The following IL2 variants were observed in gnomAD, a reference collection of about 807,000 sequenced individuals.
IL2 encodes the protein interleukin 2.
IL2 carries 3 observed loss-of-function variants against 14.6 expected under a neutral mutation model. The ratio of observed to expected loss-of-function variants is 0.21; its 90% CI spans 0.09 to 0.53. The LOEUF is 0.53. IL2 is among the 20% of genes least tolerant of loss of function. IL2 has a pLI of 0.95. For synonymous variants in IL2, 71 were observed against 60.0 expected, an observed-to-expected ratio of 1.18 and a Z score of -0.85; for missense variants, 125 against 170.8, an observed-to-expected ratio of 0.73 and a Z score of 1.50.
In IL2 at chr4:122,451,577, T is replaced by A. The variant is rs1246184050; in HGVS notation, c.*175A>T. The A allele has an allele frequency of 2.9e-6, 1 of 346,698 alleles. No individual in the cohort carries two copies. The highest frequency in any genetic ancestry group is 5.3e-6 in the Non-Finnish European group (1 of 188,064). 21.5% of individuals were successfully genotyped at this position (346,698 alleles called of 1,614,324 possible). On this transcript the variant is annotated 3_prime_UTR_variant, in exon 4 of 4. Transcript: ENST00000226730. ...ATTTTGGGATAAATAAGTGAAACCA[T>A]TTTAGAGCCCCTAGGGCTTACAAAA...
Position 122,456,208 on chromosome 4 carries a change from G to A in IL2, c.148-5C>T. The A allele has an allele frequency of 6.2e-7, 1 of 1,608,178 alleles. No homozygotes were observed. Among genetic ancestry groups the A allele is most frequent in the Non-Finnish European group, 8.5e-7 (1 of 1,175,258 alleles). On this transcript the variant is annotated splice_polypyrimidine_tract_variant and splice_region_variant and intron_variant, in intron 1 of 3. Coordinates refer to ENST00000226730, the MANE Select transcript of IL2 (RefSeq NM_000586.4). ...GAGTTTGGGATTCTTGTAATTCTAA[G>A]AAAGTATAATGCATTGTTATTAAGA...
chr4:122,454,396 T>A (rs2150633531), intron 2 of IL2, among the ~76,000 whole-genome samples: 1 of 151,956 alleles, frequency 6.6e-6, no homozygotes, highest in African/African-American at 2.4e-5. Flanking sequence ...AAATTTTTAC[T>A]TTTCTACAAT....
At chr4:122,456,084 A>T in intron 2 of IL2, 60 bp downstream of exon 2, 1 of 1,310,126 alleles carries the variant, frequency 7.6e-7, no homozygotes, top group Non-Finnish European at 1.1e-6. Context: ...ATCTGTGCAA[A>T]TTTTCATATT....
intron 2 of IL2, among the ~76,000 whole-genome samples, chr4:122,454,059 T>G (rs1251621158): frequency 1.3e-5 from 2 of 151,854 alleles, no homozygotes; most frequent in African/African-American, 4.8e-5. Flanking sequence ...TAAGTGATAG[T>G]TGACTCACTG....
At position 122,451,595 on chromosome 4, in the gene IL2, T is replaced by G. The variant is rs1797677055; in HGVS notation, c.*157A>C. The stretch of plus-strand genomic sequence containing the variant: ...GAAACCATTTTAGAGCCCCTAGGGC[T>G]TACAAAAAGAATCATAAAAGATCCA... On this transcript the variant is annotated 3_prime_UTR_variant, in exon 4 of 4. Transcript: ENST00000226730. The G allele has an allele frequency of 2.7e-6, 1 of 371,950 alleles. No individual in the cohort carries two copies. Among genetic ancestry groups the G allele is most frequent in the South Asian group, 1.3e-4 (1 of 7,896 alleles). The allele number at this position is 371,950 out of a possible 1,614,324, so 23.0% of individuals were successfully genotyped here. A position where few individuals can be genotyped will look rare whatever the true frequency, so the allele number is the denominator to read the frequency against.
chr4:122,453,671 T>G, intron 3 of IL2, 39 bp downstream of exon 3: 1 of 1,540,728 alleles, frequency 6.5e-7, no homozygotes, highest in Non-Finnish European at 8.8e-7. Flanking sequence ...CTACTTTTTT[T>G]TTTTTATTTC....
At chr4:122,456,056 T>G in intron 2 of IL2, 88 bp downstream of exon 2, 200 of 906,984 alleles carry the variant, frequency 2.2e-4, no homozygotes, top group Middle Eastern at 3.4e-4. Flanking sequence ...TTACCTCAGA[T>G]GAGCTGCTAT....
rs947826498 is a variant in IL2 at position 122,453,670 on chromosome 4, T to C, written c.351+40A>G. Reference sequence around the variant, plus strand: ...TGTGGTACTTTTCCCCCTACTTTTTTTTTTTTATTTCCAGGAGAGCAAATA... The same window carrying C: ...TGTGGTACTTTTCCCCCTACTTTTTCTTTTTTATTTCCAGGAGAGCAAATA... On this transcript the variant is annotated intron_variant, in intron 3 of 3. Transcript: ENST00000226730. The C allele has an allele frequency of 1.9e-6, 3 of 1,539,292 alleles. No individual in the cohort carries two copies. In the African/African-American group the frequency reaches 4.2e-5, roughly 22 times the overall value.
chr4:122,456,205 TAAGA>T lies in IL2; in HGVS notation c.148-6_148-3del, dbSNP rs1171676128. 1 of 1,607,832 alleles carries T rather than the reference TAAGA, an allele frequency of 6.2e-7. No homozygotes were observed. The highest frequency in any genetic ancestry group is 1.3e-5 in the African/African-American group (1 of 74,788). On this transcript the variant is annotated splice_polypyrimidine_tract_variant and splice_region_variant and intron_variant, in intron 1 of 3. Transcript: ENST00000226730. Reference sequence around the variant, plus strand: ...GGTGAGTTTGGGATTCTTGTAATTCTAAGAAAGTATAATGCATTGTTATTAAGAA... The same window carrying T: ...GGTGAGTTTGGGATTCTTGTAATTCTAAGTATAATGCATTGTTATTAAGAA...
intron 2 of IL2, among the ~76,000 whole-genome samples, chr4:122,454,298 A>G (rs1797707027): frequency 1.3e-5 from 2 of 151,856 alleles, no homozygotes; most frequent in Admixed American, 6.6e-5. Flanking sequence ...ATCTATCACA[A>G]TCCCAACATT....
rs1797700502 is a variant in IL2 at position 122,453,824 on chromosome 4, T to G, written c.237A>C (p.Leu79=). 5.0e-6 allele frequency: 8 copies of G among 1,611,226 alleles called. No homozygotes were observed. In the East Asian group the frequency reaches 1.8e-4, roughly 36 times the overall value. Residue 79 remains leucine, a synonymous_variant, in exon 3 of 4, where the codon CTA becomes CTC. Transcript: ENST00000226730. ...KATELKHLQC[L]EEELKPLEEV... is the part of the protein sequence containing the mutation. The stretch of plus-strand genomic sequence containing the variant: ...CCTCCAGAGGTTTGAGTTCTTCTTC[T>G]AGACACTGAAGATGTTTCAGTTCTG...
At chr4:122,454,895 G>C (rs1292671645) in intron 2 of IL2, among the ~76,000 whole-genome samples, 2 of 151,736 alleles carry the variant, frequency 1.3e-5, no homozygotes, top group East Asian at 3.9e-4. Context: ...ACTCTTTAGT[G>C]GGAAAGGTAG....
chr4:122,456,569 T>G lies in IL2; in HGVS notation c.-129A>C. On this transcript the variant is annotated 5_prime_UTR_variant, in exon 1 of 4. Coordinates refer to ENST00000226730, the MANE Select transcript of IL2 (RefSeq NM_000586.4). ...GGGGGTGTCAAAATGTTTTACATAT[T>G]ACACATATTTTCAAAGACTTTACCT... 1.5e-6 allele frequency: 1 copy of G among 664,386 alleles called. No individual in the cohort carries two copies. The highest frequency in any genetic ancestry group is 2.5e-6 in the Non-Finnish European group (1 of 398,150). The allele number at this position is 664,386 out of a possible 1,614,324, so 41.2% of individuals were successfully genotyped here.
intron 3 of IL2, 27 bp downstream of exon 3, chr4:122,453,683 A>AG: frequency 1.3e-6 from 2 of 1,547,564 alleles, no homozygotes; most frequent in Non-Finnish European, 1.7e-6. Context: ...TTTTATTTCC[A>AG]GGAGAGCAAA....
At chr4:122,455,247 C>T (rs1194579611) in intron 2 of IL2, among the ~76,000 whole-genome samples, 2 of 151,782 alleles carry the variant, frequency 1.3e-5, no homozygotes, top group Admixed American at 6.6e-5. Context: ...CTCTTTCTGG[C>T]ACCAGATTTT....
intron 3 of IL2, among the ~76,000 whole-genome samples, chr4:122,452,239 G>T (rs182166858): frequency 6.6e-6 from 1 of 152,138 alleles, no homozygotes; most frequent in East Asian, 1.9e-4. Context: ...TAAGTTAAAT[G>T]TATGAATTGA....
chr4:122,455,042 C>G (rs987178000), intron 2 of IL2, among the ~76,000 whole-genome samples: 5 of 151,780 alleles, frequency 3.3e-5, no homozygotes, highest in African/African-American at 1.2e-4. Context: ...CATCTAGTAT[C>G]TTTATGTTGC....
At chr4:122,456,239 T>A (rs1797728763) in intron 1 of IL2, 36 bp from the exon 2 acceptor site, 1 of 1,596,186 alleles carries the variant, frequency 6.3e-7, no homozygotes, top group Non-Finnish European at 8.6e-7. Context: ...TAAGAAATGA[T>A]CTCCAGCTAG....
At chr4:122,452,223 T>C (rs1415208208) in intron 3 of IL2, among the ~76,000 whole-genome samples, 1 of 152,108 alleles carries the variant, frequency 6.6e-6, no homozygotes, top group Non-Finnish European at 1.5e-5. Context: ...TACACCTATA[T>C]TTGTGTAAGT....
Sources: allele counts gnomAD v4.1 joint callset (sites outside exome capture counted in the v4.1 genomes callset), GRCh38; gene constraint gnomAD v4.1.1; transcripts MANE v1.5; gene names NCBI Gene and HGNC (gene_info 2026-07-23, HGNC 2026-07-21).